The following TMTC2 variants were observed in gnomAD, a reference collection of about 807,000 sequenced individuals.
TMTC2 encodes transmembrane O-mannosyltransferase targeting cadherins 2.
Under a neutral mutation model 82.4 loss-of-function variants are expected in TMTC2, and 43 were observed. The observed-to-expected ratio is 0.52, with a 90% confidence interval of 0.41 to 0.67. TMTC2 has a LOEUF of 0.67. TMTC2 is among the 30% of genes least tolerant of loss of function. TMTC2 has a pLI of 0.00. For missense variants in TMTC2, 919 were observed against 1,012.4 expected, an observed-to-expected ratio of 0.91 and a Z score of 1.25; for synonymous variants, 408 against 381.9, an observed-to-expected ratio of 1.07 and a Z score of -0.80.
At chr12:82,720,743 C>G (rs1874170906) in intron 1 of TMTC2, among the ~76,000 whole-genome samples, 1 of 152,118 alleles carries the variant, frequency 6.6e-6, no homozygotes, top group Admixed American at 6.5e-5. Flanking sequence ...GTCTTTGATT[C>G]TAGTGAGTAT....
At chr12:83,002,140 G>A (rs1879955577) in intron 8 of TMTC2, among the ~76,000 whole-genome samples, 1 of 151,998 alleles carries the variant, frequency 6.6e-6, no homozygotes, top group Admixed American at 6.6e-5. Context: ...TTTTATTACT[G>A]ATTCAATTTC....
intron 1 of TMTC2, among the ~76,000 whole-genome samples, chr12:82,739,007 G>A (rs1335680389): frequency 6.6e-6 from 1 of 151,924 alleles, no homozygotes. Context: ...AATTAGCCAG[G>A]TGTGGTGGCG....
At chr12:82,700,738 T>C (rs1372603271) in intron 1 of TMTC2, among the ~76,000 whole-genome samples, 1 of 152,230 alleles carries the variant, frequency 6.6e-6, no homozygotes, top group African/African-American at 2.4e-5. Context: ...GACTTTATGC[T>C]TTTAAATTAG....
intron 8 of TMTC2, 70 bp downstream of exon 8, chr12:82,986,116 G>A: frequency 1.2e-6 from 2 of 1,605,978 alleles, no homozygotes; most frequent in Non-Finnish European, 1.7e-6. Flanking sequence ...ATGGGTTTGA[G>A]GTACTGTTTT....
At chr12:82,952,179 T>C (rs892900238) in intron 4 of TMTC2, among the ~76,000 whole-genome samples, 1 of 152,168 alleles carries the variant, frequency 6.6e-6, no homozygotes, top group African/African-American at 2.4e-5. Flanking sequence ...CTTTCTAGTA[T>C]TTGGATATGA....
intron 11 of TMTC2, among the ~76,000 whole-genome samples, chr12:83,083,101 A>C (rs1883529393): frequency 6.6e-6 from 1 of 152,194 alleles, no homozygotes; most frequent in Admixed American, 6.5e-5. Context: ...TTTTTACGGG[A>C]ATGGGTAACC....
chr12:82,990,864 A>G (rs903492719), intron 8 of TMTC2, among the ~76,000 whole-genome samples: 5 of 152,020 alleles, frequency 3.3e-5, no homozygotes, highest in Non-Finnish European at 4.4e-5. Context: ...GTCAACACAT[A>G]TATTGAGACT....
chr12:83,098,335 A>C lies in TMTC2; in HGVS notation c.2332-33875A>C, dbSNP rs569727383. On this transcript the variant is annotated intron_variant, in intron 11 of 11. Transcript: ENST00000321196. Reference sequence around the variant, plus strand: ...TTCTCTTCCTTCACTGTCAATCAGCAGTTCATCAAATTCTATCAGATAAAC... The same window carrying C: ...TTCTCTTCCTTCACTGTCAATCAGCCGTTCATCAAATTCTATCAGATAAAC... Among the ~76,000 whole-genome samples the C allele has an allele frequency of 1.9e-3, 296 of 152,326 alleles. 1 individual carries two copies. Among genetic ancestry groups the C allele is most frequent in the African/African-American group, 6.8e-3 (283 of 41,568 alleles).
chr12:83,001,592 GC>G (rs1162575973), intron 8 of TMTC2, among the ~76,000 whole-genome samples: 1 of 146,418 alleles, frequency 6.8e-6, no homozygotes, highest in African/African-American at 2.6e-5. Context: ...CCGAGATCAT[GC>G]CATTGCACTC....
chr12:82,730,845 A>G (rs180724445), intron 1 of TMTC2, among the ~76,000 whole-genome samples: 16 of 152,308 alleles, frequency 1.1e-4, no homozygotes, highest in South Asian at 2.1e-4. Context: ...GTGAGATACA[A>G]TTTTCTAGAG....
intron 1 of TMTC2, among the ~76,000 whole-genome samples, chr12:82,705,936 C>T (rs1014075334): frequency 4.6e-5 from 7 of 152,182 alleles, no homozygotes; most frequent in Middle Eastern, 3.4e-3. Flanking sequence ...CTGACCCAGA[C>T]TGGGAGGGAA....
intron 11 of TMTC2, among the ~76,000 whole-genome samples, chr12:83,075,773 T>C (rs1283344144): frequency 6.6e-6 from 1 of 152,254 alleles, no homozygotes; most frequent in Non-Finnish European, 1.5e-5. Flanking sequence ...TGCCCACATC[T>C]GTCTTCAAAC....
intron 1 of TMTC2, among the ~76,000 whole-genome samples, chr12:82,720,503 T>C (rs1421257340): frequency 1.3e-5 from 2 of 152,212 alleles, no homozygotes; most frequent in Non-Finnish European, 1.5e-5. Context: ...TTGAGTTGTT[T>C]CCACCTGTTG....
At chr12:82,942,904 TCATGTGTGA>T (rs1331073206) in intron 4 of TMTC2, among the ~76,000 whole-genome samples, 1 of 152,216 alleles carries the variant, frequency 6.6e-6, no homozygotes, top group African/African-American at 2.4e-5. Context: ...CTGTTTAGAA[TCATGTGTGA>T]TTATTAGTTA....
intron 11 of TMTC2, among the ~76,000 whole-genome samples, chr12:83,127,726 C>T (rs143173046): frequency 5.3e-5 from 8 of 152,052 alleles, no homozygotes; most frequent in African/African-American, 1.9e-4. Context: ...ACCCTGTGAG[C>T]TCAGCTGCAT....
intron 11 of TMTC2, among the ~76,000 whole-genome samples, chr12:83,077,910 G>C (rs1883341996): frequency 9.3e-6 from 1 of 107,114 alleles, no homozygotes. Flanking sequence ...TTTTTTAACA[G>C]GGGCCTCAGC....
At chr12:83,078,651 T>C (rs992327849) in intron 11 of TMTC2, among the ~76,000 whole-genome samples, 47 of 152,344 alleles carry the variant, frequency 3.1e-4, no homozygotes, top group Non-Finnish European at 5.9e-4. Flanking sequence ...AGTAAAACTA[T>C]AGAGAATTCA....
intron 1 of TMTC2, among the ~76,000 whole-genome samples, chr12:82,783,238 G>T (rs1272728860): frequency 6.8e-6 from 1 of 147,036 alleles, no homozygotes; most frequent in Non-Finnish European, 1.5e-5. Context: ...GTAGGTGCTG[G>T]GTAGGTTTAA....
intron 1 of TMTC2, among the ~76,000 whole-genome samples, chr12:82,732,846 G>T (rs1037695243): frequency 6.6e-6 from 1 of 152,180 alleles, no homozygotes; most frequent in Non-Finnish European, 1.5e-5. Flanking sequence ...CTTAGAATAT[G>T]ATAAAGCATT....
Sources: allele counts gnomAD v4.1 joint callset (sites outside exome capture counted in the v4.1 genomes callset), GRCh38; gene constraint gnomAD v4.1.1; transcripts MANE v1.5; gene names NCBI Gene and HGNC (gene_info 2026-07-23, HGNC 2026-07-21).